Variants in FEZ1 observed in about 807,000 individuals in gnomAD.
FEZ1 encodes fasciculation and elongation protein zeta 1.
Under a neutral mutation model 49.3 loss-of-function variants are expected in FEZ1, and 20 were observed. The observed-to-expected ratio is 0.41, with a 90% confidence interval of 0.29 to 0.59. The LOEUF is 0.59. FEZ1 is among the 20% of genes least tolerant of loss of function. The pLI is 0.36. For missense variants in FEZ1, 413 were observed against 476.0 expected (o/e 0.87, Z 1.23); for synonymous variants, 170 against 180.9 (o/e 0.94, Z 0.48).
chr11:125,485,210 A>G (rs1295816135), intron 2 of FEZ1, among the ~76,000 whole-genome samples: 2 of 152,178 alleles, frequency 1.3e-5, no homozygotes, highest in African/African-American at 4.8e-5. Flanking sequence ...CCATCCCTGT[A>G]TAACAGAAAA....
intron 8 of FEZ1, among the ~76,000 whole-genome samples, chr11:125,452,019 C>A (rs1358592237): frequency 6.6e-6 from 1 of 152,184 alleles, no homozygotes; most frequent in Non-Finnish European, 1.5e-5. Context: ...GGATGCCAAG[C>A]CTTGGGAACT....
chr11:125,452,105 G>T (rs1169207652), intron 8 of FEZ1, among the ~76,000 whole-genome samples: 1 of 152,132 alleles, frequency 6.6e-6, no homozygotes, highest in Non-Finnish European at 1.5e-5. Context: ...CCCCCAGCAG[G>T]CCTCTTCCCT....
chr11:125,446,938 A>T (rs1037886234), intron 9 of FEZ1, among the ~76,000 whole-genome samples: 1 of 152,126 alleles, frequency 6.6e-6, no homozygotes, highest in African/African-American at 2.4e-5. Flanking sequence ...CTGAAATTTA[A>T]GATTAGTCCT....
intron 7 of FEZ1, chr11:125,453,026 C>G (rs187965796): frequency 6.6e-6 from 1 of 151,252 alleles, no homozygotes; most frequent in East Asian, 1.9e-4. Flanking sequence ...GGCTTGATCT[C>G]GGCTCACTGC....
intron 2 of FEZ1, among the ~76,000 whole-genome samples, chr11:125,484,243 T>C (rs1957308241): frequency 6.6e-6 from 1 of 152,196 alleles, no homozygotes; most frequent in Admixed American, 6.5e-5. Context: ...GATTAATTCA[T>C]TCATTCTTCA....
At chr11:125,457,429 A>AATATATATAT (rs145878447) in intron 5 of FEZ1, among the ~76,000 whole-genome samples, 85 of 20,910 alleles carry the variant, frequency 4.1e-3, no homozygotes, top group East Asian at 0.027. Flanking sequence ...AAAAAAAAAA[A>AATATATATAT]ATATATATAT....
chr11:125,488,020 A>C (rs1957341935), intron 2 of FEZ1, among the ~76,000 whole-genome samples: 1 of 151,966 alleles, frequency 6.6e-6, no homozygotes, highest in Non-Finnish European at 1.5e-5. Flanking sequence ...GGTGCTTCAG[A>C]CTTCCCTGAC....
intron 7 of FEZ1, 48 bp from the exon 8 acceptor site, chr11:125,452,457 C>T: frequency 7.9e-7 from 1 of 1,262,724 alleles, no homozygotes; most frequent in Non-Finnish European, 1.2e-6. Flanking sequence ...AGACATGCTT[C>T]CTCTGGGTTG....
chr11:125,491,331 T>C (rs950655880), intron 1 of FEZ1, among the ~76,000 whole-genome samples: 9 of 152,130 alleles, frequency 5.9e-5, no homozygotes, highest in African/African-American at 7.2e-5. Flanking sequence ...CTGGGCCCCA[T>C]TCAATTTTAA....
At chr11:125,464,667 T>C (rs1463415921) in intron 3 of FEZ1, among the ~76,000 whole-genome samples, 1 of 152,136 alleles carries the variant, frequency 6.6e-6, no homozygotes, top group African/African-American at 2.4e-5. Flanking sequence ...CAGACATCCC[T>C]AACAGAGCAC....
chr11:125,490,954 A>G (rs983330735), intron 1 of FEZ1, among the ~76,000 whole-genome samples: 9 of 151,858 alleles, frequency 5.9e-5, no homozygotes, highest in Non-Finnish European at 1.3e-4. Context: ...GGGTTTCACC[A>G]TGTTGGCCAG....
chr11:125,484,024 T>C (rs1467743062), intron 2 of FEZ1, among the ~76,000 whole-genome samples: 1 of 152,222 alleles, frequency 6.6e-6, no homozygotes, highest in Non-Finnish European at 1.5e-5. Context: ...TCACATTTTG[T>C]CCAGGTTTCC....
At position 125,495,382 on chromosome 11, in the gene FEZ1, T is replaced by C. The variant is rs985285246; in HGVS notation, c.-46+739A>G. 7 of 470,552 alleles carry C rather than the reference T, an allele frequency of 1.5e-5. No individual in the cohort carries two copies. The East Asian group carries it at 2.8e-4, about 19-fold the overall frequency. 29.1% of individuals were successfully genotyped at this position (470,552 alleles called of 1,614,324 possible). Reference sequence around the variant, plus strand: ...GGCAAAAGGGAAGAAGAGCGGGCTGTGATACCTCCTCGACGCCGTCAAACA... The same window carrying C: ...GGCAAAAGGGAAGAAGAGCGGGCTGCGATACCTCCTCGACGCCGTCAAACA... On this transcript the variant is annotated intron_variant, in intron 1 of 9. Transcript: ENST00000278919. This position sits in a 1 kb window ranked among gnomAD's most constrained non-coding sequence, Gnocchi z 4.2.
At chr11:125,458,009 G>A (rs991452321) in intron 5 of FEZ1, among the ~76,000 whole-genome samples, 9 of 152,226 alleles carry the variant, frequency 5.9e-5, no homozygotes, top group Middle Eastern at 3.4e-3. Context: ...TGCTGAACGC[G>A]TCTATCTTTG....
Position 125,489,753 on chromosome 11 carries a change from C to T in FEZ1, c.25G>A (p.Asp9Asn). The change falls in exon 2 of 10, where the codon GAT becomes AAT. Residue 9 changes from aspartate to asparagine, a missense_variant. Physicochemically the swap from Asp to Asn is conservative, Grantham distance 23 (BLOSUM62 1). Transcript: ENST00000278919. The surrounding 1 kb of genome is among the most constrained non-coding windows in gnomAD (Gnocchi z 4.2). MEAPLVSL[D>N]EEFEDLRPSC... ...GGTCGAAGGTCCTCAAACTCTTCAT[C>T]CAGACTCACCAGTGGGGCCTCCATT... is the stretch of plus-strand genomic sequence containing the variant. 6.4e-7 allele frequency: 1 copy of T among 1,556,502 alleles called. No individual in the cohort carries two copies. Among genetic ancestry groups the T allele is most frequent in the South Asian group, 1.2e-5 (1 of 80,396 alleles).
At position 125,489,351 on chromosome 11, in the gene FEZ1, C is replaced by T; in HGVS notation, c.311+116G>A. Reference sequence around the variant, plus strand: ...TACCAGGGCACTGCTCCGCTGGCAACACGAAAATGAAAGTAATAGCCCATA... The same window carrying T: ...TACCAGGGCACTGCTCCGCTGGCAATACGAAAATGAAAGTAATAGCCCATA... On this transcript the variant is annotated intron_variant, in intron 2 of 9. Coordinates refer to ENST00000278919, the MANE Select transcript of FEZ1 (RefSeq NM_005103.5). The surrounding 1 kb of genome is among the most constrained non-coding windows in gnomAD (Gnocchi z 4.2). 1 of 1,482,752 alleles carries T rather than the reference C, an allele frequency of 6.7e-7. No individual in the cohort carries two copies. Among genetic ancestry groups the T allele is most frequent in the East Asian group, 2.3e-5 (1 of 43,138 alleles). 91.8% of individuals were successfully genotyped at this position (1,482,752 alleles called of 1,614,324 possible). A position where few individuals can be genotyped will look rare whatever the true frequency, so the allele number is the denominator to read the frequency against.
chr11:125,447,445 T>A (rs12282505), intron 9 of FEZ1, among the ~76,000 whole-genome samples: 6 of 152,276 alleles, frequency 3.9e-5, no homozygotes, highest in African/African-American at 1.2e-4. Flanking sequence ...AACCTACTGA[T>A]CTTTATTGGC....
chr11:125,456,239 A>C, intron 5 of FEZ1, 133 bp from the exon 6 acceptor site: 2 of 851,360 alleles, frequency 2.3e-6, no homozygotes, highest in Middle Eastern at 2.3e-4. Flanking sequence ...TTAAAGATCC[A>C]AGAAAGACCT....
chr11:125,493,465 G>GAAA (rs1957415953), intron 1 of FEZ1, among the ~76,000 whole-genome samples: 1 of 51,294 alleles, frequency 1.9e-5, no homozygotes, highest in African/African-American at 1.1e-4. Flanking sequence ...AAGGAAAGAA[G>GAAA]GAAAGAAGGA....
Sources: allele counts gnomAD v4.1 joint callset (sites outside exome capture counted in the v4.1 genomes callset), GRCh38; gene constraint gnomAD v4.1.1; non-coding constraint Gnocchi (gnomAD v3.1); transcripts MANE v1.5; gene names NCBI Gene and HGNC (gene_info 2026-07-23, HGNC 2026-07-21).